Variants in SELP observed in about 807,000 individuals in gnomAD.
SELP encodes P-selectin.
Under a neutral mutation model 104.1 loss-of-function variants are expected in SELP, and 92 were observed. The ratio of observed to expected loss-of-function variants is 0.88; its 90% CI spans 0.75 to 1.05. The LOEUF (loss-of-function observed/expected upper bound fraction) is 1.05, where lower values mean the gene tolerates loss of function less well. Ranked by LOEUF, SELP falls within the 50% of genes least tolerant of loss-of-function variation. The probability of loss-of-function intolerance (pLI) is 0.00; values close to 1 mark genes in which losing one functional copy is unlikely to be tolerated. For synonymous variants in SELP, 397 were observed against 364.5 expected, an observed-to-expected ratio of 1.09 and a Z score of -1.01; for missense variants, 1,022 against 1,017.3, an observed-to-expected ratio of 1.00 and a Z score of -0.06.
At chr1:169,623,409 A>G (rs555947693) in intron 1 of SELP, among the ~76,000 whole-genome samples, 1 of 152,184 alleles carries the variant, frequency 6.6e-6, no homozygotes, top group African/African-American at 2.4e-5. Context: ...GTTTGTTTAA[A>G]CTTTTAAATA....
At chr1:169,599,672 T>C (rs944032744) in intron 10 of SELP, among the ~76,000 whole-genome samples, 5 of 152,226 alleles carry the variant, frequency 3.3e-5, no homozygotes, top group Admixed American at 1.3e-4. Context: ...AATAAATGTA[T>C]CTGAGTTGAA....
chr1:169,611,304 C>T (rs1443338048), intron 7 of SELP, among the ~76,000 whole-genome samples, 188 bp downstream of exon 7: 1 of 152,120 alleles, frequency 6.6e-6, no homozygotes, highest in Non-Finnish European at 1.5e-5. Flanking sequence ...TGTACTTAAT[C>T]CTCACAAGCA....
At chr1:169,615,430 G>C (rs1221985995) in intron 3 of SELP, among the ~76,000 whole-genome samples, 1 of 152,170 alleles carries the variant, frequency 6.6e-6, no homozygotes, top group African/African-American at 2.4e-5. Flanking sequence ...ATTTATGCCA[G>C]TAATTTTTTA....
intron 3 of SELP, among the ~76,000 whole-genome samples, chr1:169,614,112 G>A (rs1387262648): frequency 6.6e-6 from 1 of 152,218 alleles, no homozygotes. Context: ...GGTCACACAG[G>A]TGTGATATGA....
chr1:169,628,287 T>C (rs928780436), intron 1 of SELP, among the ~76,000 whole-genome samples: 2 of 152,186 alleles, frequency 1.3e-5, no homozygotes, highest in African/African-American at 4.8e-5. Context: ...TGATTGAAAA[T>C]ACCCCACCAG....
intron 9 of SELP, among the ~76,000 whole-genome samples, chr1:169,605,495 T>G (rs113369692): frequency 8.0e-5 from 12 of 149,896 alleles, no homozygotes; most frequent in African/African-American, 4.9e-5. Flanking sequence ...GTGGGGGGTG[T>G]GTGTGTGTGT....
chr1:169,612,737 T>C (rs961333856), intron 5 of SELP, among the ~76,000 whole-genome samples, 192 bp downstream of exon 5: 1 of 152,118 alleles, frequency 6.6e-6, no homozygotes, highest in African/African-American at 2.4e-5. Context: ...TAAGTCACTC[T>C]ACCCATAAAA....
chr1:169,606,111 G>T (rs1181821523), intron 9 of SELP, among the ~76,000 whole-genome samples: 3 of 152,200 alleles, frequency 2.0e-5, no homozygotes, highest in African/African-American at 7.2e-5. Context: ...GAGGTCAGGA[G>T]TTTGAGACCA....
chr1:169,611,520 G>T lies in SELP; in HGVS notation c.1119C>A (p.His373Gln). 6.2e-7 allele frequency: 1 copy of T among 1,614,068 alleles called. No individual in the cohort carries two copies. The highest frequency in any genetic ancestry group is 8.5e-7 in the Non-Finnish European group (1 of 1,179,984). The change falls in exon 7 of 17, where the codon CAC becomes CAA. Residue 373 changes from histidine to glutamine, a missense_variant. Physicochemically the swap from His to Gln is conservative, Grantham distance 24 (BLOSUM62 0). Transcript: ENST00000263686. ...LDMLRCIDSG[H>Q]WSAPLPTCEA... ...CACAGGTTGGCAAGGGTGCAGACCA[G>T]TGTCCAGAGTCAATGCAGCGGAGCA... is the stretch of plus-strand genomic sequence containing the variant.
intron 7 of SELP, among the ~76,000 whole-genome samples, chr1:169,609,953 A>C (rs1161629140): frequency 2.6e-5 from 4 of 152,000 alleles, no homozygotes; most frequent in Non-Finnish European, 5.9e-5. Flanking sequence ...TAAGGGTAGA[A>C]GCCCCTGCAA....
At chr1:169,600,867 A>G (rs1404881000) in intron 10 of SELP, among the ~76,000 whole-genome samples, 1 of 152,222 alleles carries the variant, frequency 6.6e-6, no homozygotes, top group Non-Finnish European at 1.5e-5. Flanking sequence ...GTCAAGGTTG[A>G]TAATTCCAAG....
chr1:169,619,240 T>A, intron 1 of SELP, 21 bp from the exon 2 acceptor site: 5 of 1,579,738 alleles, frequency 3.2e-6, no homozygotes, highest in Non-Finnish European at 4.4e-6. Flanking sequence ...AAGAGAAAAC[T>A]TTCTTTTAGT....
Position 169,597,043 on chromosome 1 carries a change from A to G in SELP, c.1839T>C (p.Asn613=). ...ATCTTCCAGAAGTTGTGCATTCCAC[A>G]TTATTGGGCCCCTCCAGCTTAAAGC... ...DNGFKLEGPN[N]VECTTSGRWS... is the part of the protein sequence containing the mutation. The change falls in exon 11 of 17, where the codon AAT becomes AAC. Residue 613 remains asparagine (N), a synonymous_variant. Transcript: ENST00000263686. The G allele has an allele frequency of 1.2e-6, 2 of 1,613,292 alleles. No individual in the cohort carries two copies. Among genetic ancestry groups the G allele is most frequent in the African/African-American group, 1.3e-5 (1 of 74,812 alleles).
At chr1:169,628,198 A>G (rs542029185) in intron 1 of SELP, among the ~76,000 whole-genome samples, 1 of 152,184 alleles carries the variant, frequency 6.6e-6, no homozygotes, top group Non-Finnish European at 1.5e-5. Context: ...GCCCGGCCAT[A>G]GCCCGCTAAA....
chr1:169,609,982 G>C (rs1307386486), intron 7 of SELP, among the ~76,000 whole-genome samples: 1 of 152,014 alleles, frequency 6.6e-6, no homozygotes, highest in East Asian at 1.9e-4. Context: ...CACAGCCTCT[G>C]TTCTTGCGCT....
At chr1:169,622,605 T>C (rs1663190928) in intron 1 of SELP, among the ~76,000 whole-genome samples, 2 of 152,326 alleles carry the variant, frequency 1.3e-5, no homozygotes, top group African/African-American at 4.8e-5. Context: ...AAGTTACTTG[T>C]CAAAACTTGC....
intron 6 of SELP, among the ~76,000 whole-genome samples, 200 bp downstream of exon 6, chr1:169,612,017 T>C (rs1024718646): frequency 6.6e-6 from 1 of 152,150 alleles, no homozygotes; most frequent in African/African-American, 2.4e-5. Flanking sequence ...TGAAACTGCC[T>C]GCATTTGTGT....
rs202164697 is a variant in SELP at position 169,596,104 on chromosome 1, T to G, written c.1922A>C (p.Gln641Pro). The change falls in exon 12 of 17, where the codon CAA becomes CCA. Residue 641 changes from glutamine (Q) to proline (P), a missense_variant. Gln to Pro is a moderately conservative substitution (Grantham distance 76, BLOSUM62 -1). Coordinates refer to ENST00000263686, the MANE Select transcript of SELP (RefSeq NM_003005.4). ...GIASLPTPGV[Q>P]CPALTTPGQG... The stretch of plus-strand genomic sequence containing the variant: ...CCCAGGAGTGGTGAGGGCTGGACAT[T>G]GCACCCCTGGAGTAGGAAGTGATGC... The G allele has an allele frequency of 5.6e-6, 9 of 1,613,790 alleles. No individual in the cohort carries two copies. In the Admixed American group the frequency reaches 1.5e-4, roughly 27 times the overall value.
At chr1:169,599,261 A>G (rs759138585) in intron 10 of SELP, among the ~76,000 whole-genome samples, 12 of 151,656 alleles carry the variant, frequency 7.9e-5, no homozygotes, top group Non-Finnish European at 1.3e-4. Flanking sequence ...TGGAATGGAG[A>G]TTAGTGCAGA....
Sources: allele counts gnomAD v4.1 joint callset (sites outside exome capture counted in the v4.1 genomes callset), GRCh38; gene constraint gnomAD v4.1.1; transcripts MANE v1.5; gene names NCBI Gene and HGNC (gene_info 2026-07-23, HGNC 2026-07-21).